RSRC1: variants seen among roughly 807,000 people sequenced by gnomAD.
The protein encoded by RSRC1 is arginine and serine rich coiled-coil 1.
In RSRC1, 39 loss-of-function variants were observed where a neutral mutation model predicts 49.1. That is an observed-to-expected ratio of 0.79 (90% confidence interval 0.61 to 1.04). The LOEUF (loss-of-function observed/expected upper bound fraction) is 1.04, where lower values mean the gene tolerates loss of function less well. RSRC1 is among the 50% of genes least tolerant of loss of function. The pLI is 0.00. For missense variants in RSRC1, 388 were observed against 402.4 expected (o/e 0.96, Z 0.31); for synonymous variants, 143 against 130.8 (o/e 1.09, Z -0.63).
At chr3:158,270,812 A>G (rs997397334) in intron 4 of RSRC1, among the ~76,000 whole-genome samples, 6 of 152,172 alleles carry the variant, frequency 3.9e-5, no homozygotes, top group African/African-American at 1.4e-4. Flanking sequence ...AAATTTAAAT[A>G]TTAGTGATCA....
At chr3:158,255,655 C>T (rs1377029951) in intron 4 of RSRC1, among the ~76,000 whole-genome samples, 1 of 152,172 alleles carries the variant, frequency 6.6e-6, no homozygotes, top group South Asian at 2.1e-4. Flanking sequence ...TTACCTTGGG[C>T]AGTATGGCCA....
chr3:158,487,946 C>CAAAAAAA (rs1303656428), intron 7 of RSRC1, among the ~76,000 whole-genome samples: 11 of 11,470 alleles, frequency 9.6e-4, no homozygotes, highest in Non-Finnish European at 1.0e-3. Flanking sequence ...GACTCCATCT[C>CAAAAAAA]AAGAAAAAAA....
intron 6 of RSRC1, among the ~76,000 whole-genome samples, chr3:158,368,516 G>A (rs1228233320): frequency 1.3e-5 from 2 of 152,162 alleles, no homozygotes; most frequent in African/African-American, 2.4e-5. Context: ...CCTTGACCAT[G>A]GACTGTTCAA....
intron 5 of RSRC1, among the ~76,000 whole-genome samples, chr3:158,347,660 C>T (rs1730628471): frequency 6.6e-6 from 1 of 152,128 alleles, no homozygotes; most frequent in Admixed American, 6.5e-5. Context: ...ATCCTCCCGC[C>T]TCTGCCTCCC....
At chr3:158,131,667 G>A (rs1478963374) in intron 3 of RSRC1, among the ~76,000 whole-genome samples, 2 of 152,040 alleles carry the variant, frequency 1.3e-5, no homozygotes, top group African/African-American at 4.8e-5. Flanking sequence ...CTTTGCTTTT[G>A]ATTCAAGATG....
At chr3:158,297,940 T>C in intron 4 of RSRC1, 99 bp from the exon 5 acceptor site, 1 of 842,824 alleles carries the variant, frequency 1.2e-6, no homozygotes, top group East Asian at 2.5e-5. Flanking sequence ...TAAATACATA[T>C]GAAAAAATTA....
chr3:158,456,168 C>T (rs1307370115), intron 6 of RSRC1, among the ~76,000 whole-genome samples: 3 of 151,910 alleles, frequency 2.0e-5, no homozygotes, highest in African/African-American at 7.3e-5. Flanking sequence ...GTTTTTTGCT[C>T]ATGTCACAGT....
chr3:158,327,499 C>T (rs953221171), intron 5 of RSRC1, among the ~76,000 whole-genome samples: 1 of 152,228 alleles, frequency 6.6e-6, no homozygotes, highest in African/African-American at 2.4e-5. Context: ...ATCGAGTAGT[C>T]ATTCAGGAGC....
intron 3 of RSRC1, among the ~76,000 whole-genome samples, chr3:158,197,395 C>A (rs1032793883): frequency 2.6e-5 from 4 of 151,752 alleles, no homozygotes; most frequent in African/African-American, 9.7e-5. Flanking sequence ...TCTCTCTTTT[C>A]TTCTTTATTA....
intron 7 of RSRC1, among the ~76,000 whole-genome samples, chr3:158,535,884 A>G (rs945091529): frequency 1.3e-5 from 2 of 151,494 alleles, no homozygotes; most frequent in African/African-American, 4.8e-5. Flanking sequence ...ACTTTTCTAT[A>G]TAGGCTGTAT....
intron 7 of RSRC1, among the ~76,000 whole-genome samples, chr3:158,492,526 C>T (rs926957978): frequency 6.6e-6 from 1 of 152,094 alleles, no homozygotes; most frequent in Non-Finnish European, 1.5e-5. Flanking sequence ...ACATCTTCTT[C>T]CCCCCAATAT....
In RSRC1 at chr3:158,298,058, G is replaced by C; in HGVS notation, c.514G>C (p.Ala172Pro). 6.2e-7 allele frequency: 1 copy of C among 1,606,022 alleles called. No individual in the cohort carries two copies. The highest frequency in any genetic ancestry group is 8.5e-7 in the Non-Finnish European group (1 of 1,173,360). ...TTTTAGGGAATCTGGAAACATCAAA[G>C]CTGGATTAGAACATCTGGTAAGTTC... ...IKRGESGNIK[A>P]GLEHLPPAEQ... Residue 172 changes from alanine to proline, a missense_variant, in exon 5 of 10, where the codon GCT becomes CCT. Coordinates refer to ENST00000611884, the MANE Select transcript of RSRC1 (RefSeq NM_001271838.2).
At chr3:158,183,777 A>G (rs1421065952) in intron 3 of RSRC1, among the ~76,000 whole-genome samples, 1 of 151,970 alleles carries the variant, frequency 6.6e-6, no homozygotes, top group East Asian at 1.9e-4. Flanking sequence ...TTAGTTGGGC[A>G]TGGTGGCATG....
chr3:158,259,486 C>T (rs1262399240), intron 4 of RSRC1, among the ~76,000 whole-genome samples: 1 of 152,164 alleles, frequency 6.6e-6, no homozygotes, highest in Non-Finnish European at 1.5e-5. Flanking sequence ...GACAAACACC[C>T]TTCTGGCCAC....
chr3:158,484,663 C>A (rs62287862), intron 7 of RSRC1, among the ~76,000 whole-genome samples: 13,199 of 151,982 alleles, frequency 0.087, 638 homozygotes, highest in South Asian at 0.15. Context: ...ATTTGTAAAT[C>A]AAATATTCAA....
At chr3:158,392,433 T>C (rs1429978297) in intron 6 of RSRC1, among the ~76,000 whole-genome samples, 1 of 152,096 alleles carries the variant, frequency 6.6e-6, no homozygotes. Flanking sequence ...CCTAACATTA[T>C]ATGAGCTCCA....
chr3:158,317,595 G>A (rs1728531845), intron 5 of RSRC1, among the ~76,000 whole-genome samples: 1 of 151,386 alleles, frequency 6.6e-6, no homozygotes, highest in South Asian at 2.1e-4. Context: ...GTCTCACTCT[G>A]TCACCCATGC....
At chr3:158,292,090 A>G (rs2108105519) in intron 4 of RSRC1, among the ~76,000 whole-genome samples, 1 of 152,284 alleles carries the variant, frequency 6.6e-6, no homozygotes, top group East Asian at 1.9e-4. Context: ...TTTATTTTGG[A>G]CAACCTCAGT....
chr3:158,543,584 G>T, intron 9 of RSRC1, 97 bp downstream of exon 9: 1 of 1,247,978 alleles, frequency 8.0e-7, no homozygotes, highest in South Asian at 1.7e-5. Context: ...GGAGACCATT[G>T]GAGGAAACAG....
Sources: gnomAD v4.1 joint callset for allele counts (sites outside exome capture counted in the v4.1 genomes callset) on GRCh38, gnomAD v4.1.1 for gene constraint, MANE v1.5 for transcripts, NCBI Gene and HGNC (gene_info 2026-07-23, HGNC 2026-07-21) for gene names.